DOK5: variants seen among roughly 807,000 people sequenced by gnomAD.
DOK5 encodes the protein downstream of tyrosine kinase 5.
Under a neutral mutation model 43.3 loss-of-function variants are expected in DOK5, and 27 were observed. That is an observed-to-expected ratio of 0.62 (90% CI 0.46 to 0.86). DOK5 has a LOEUF of 0.86. Among genes scored for constraint, DOK5 ranks in the 40% least tolerant of loss-of-function variants. DOK5 has a pLI of 0.00. For synonymous variants in DOK5, 146 were observed against 140.1 expected (o/e 1.04, Z -0.30); for missense variants, 373 against 392.9 (o/e 0.95, Z 0.43).
intron 1 of DOK5, among the ~76,000 whole-genome samples, chr20:54,523,037 T>C (rs1231416321): frequency 1.3e-5 from 2 of 152,166 alleles, no homozygotes; most frequent in Non-Finnish European, 2.9e-5. Flanking sequence ...GTATGTCTGG[T>C]ACATAATAGG....
At chr20:54,570,662 T>G (rs982288543) in intron 2 of DOK5, among the ~76,000 whole-genome samples, 1 of 152,160 alleles carries the variant, frequency 6.6e-6, no homozygotes, top group African/African-American at 2.4e-5. Flanking sequence ...TTTAAATGGC[T>G]TTTGACTTTG....
At chr20:54,648,384 G>A (rs976591716) in intron 7 of DOK5, among the ~76,000 whole-genome samples, 3 of 152,190 alleles carry the variant, frequency 2.0e-5, no homozygotes, top group African/African-American at 7.2e-5. Flanking sequence ...TGGAACAGTG[G>A]AAAAGAAAGT....
intron 1 of DOK5, among the ~76,000 whole-genome samples, chr20:54,478,989 GTA>G (rs763912095): frequency 3.3e-5 from 5 of 151,922 alleles, no homozygotes; most frequent in African/African-American, 9.7e-5. Flanking sequence ...ACATATATGT[GTA>G]TGTGTGTGTA....
chr20:54,537,358 C>T (rs1461167095), intron 1 of DOK5, among the ~76,000 whole-genome samples: 1 of 152,168 alleles, frequency 6.6e-6, no homozygotes, highest in East Asian at 1.9e-4. Context: ...AATCAGGAAG[C>T]TCTCAAACAA....
intron 1 of DOK5, among the ~76,000 whole-genome samples, chr20:54,517,610 T>C (rs978512677): frequency 1.3e-5 from 2 of 152,150 alleles, no homozygotes; most frequent in Admixed American, 6.6e-5. Context: ...GTGGAGATGA[T>C]AAAGTGATGA....
chr20:54,537,180 G>A (rs1983988430), intron 1 of DOK5, among the ~76,000 whole-genome samples: 1 of 152,132 alleles, frequency 6.6e-6, no homozygotes, highest in Non-Finnish European at 1.5e-5. Flanking sequence ...GATTTTCTGG[G>A]GATTCTGGAT....
intron 6 of DOK5, among the ~76,000 whole-genome samples, chr20:54,620,277 T>C (rs1986937957): frequency 6.6e-6 from 1 of 152,340 alleles, no homozygotes; most frequent in South Asian, 2.1e-4. Context: ...CTTGCTCTGT[T>C]GCCCAGGCTG....
At chr20:54,554,221 G>A (rs1370566558) in intron 1 of DOK5, among the ~76,000 whole-genome samples, 2 of 152,162 alleles carry the variant, frequency 1.3e-5, no homozygotes, top group Non-Finnish European at 2.9e-5. Context: ...GGAATTGAAA[G>A]ATTGTGAAGA....
At chr20:54,484,831 A>G (rs1278190813) in intron 1 of DOK5, among the ~76,000 whole-genome samples, 1 of 152,174 alleles carries the variant, frequency 6.6e-6, no homozygotes, top group Non-Finnish European at 1.5e-5. Context: ...CTCAGGCAAC[A>G]TAGTGAGACT....
At chr20:54,518,971 C>T (rs981410995) in intron 1 of DOK5, among the ~76,000 whole-genome samples, 2 of 152,102 alleles carry the variant, frequency 1.3e-5, no homozygotes, top group African/African-American at 2.4e-5. Flanking sequence ...CATCACTGGC[C>T]GTCAGAGAGA....
intron 1 of DOK5, among the ~76,000 whole-genome samples, chr20:54,548,033 G>A (rs775107992): frequency 5.3e-5 from 8 of 152,256 alleles, no homozygotes; most frequent in Non-Finnish European, 1.0e-4. Context: ...CTGGCATTTA[G>A]CAGGTGGAGG....
intron 5 of DOK5, among the ~76,000 whole-genome samples, chr20:54,594,440 T>A (rs1388824576): frequency 1.3e-5 from 2 of 150,900 alleles, no homozygotes; most frequent in African/African-American, 2.5e-5. Flanking sequence ...AAATGAATAA[T>A]TTTTTTTGGT....
chr20:54,547,699 G>T (rs1984394566), intron 1 of DOK5, among the ~76,000 whole-genome samples: 1 of 152,110 alleles, frequency 6.6e-6, no homozygotes, highest in Admixed American at 6.5e-5. Flanking sequence ...CTGAAAATTA[G>T]GTATAATAAA....
At chr20:54,589,302 A>G (rs1985910826) in intron 4 of DOK5, among the ~76,000 whole-genome samples, 1 of 152,132 alleles carries the variant, frequency 6.6e-6, no homozygotes, top group African/African-American at 2.4e-5. Context: ...TGCCTTTTTC[A>G]CTTAAAATGT....
chr20:54,554,424 T>G (rs531052286), intron 1 of DOK5, among the ~76,000 whole-genome samples: 14 of 152,310 alleles, frequency 9.2e-5, no homozygotes, highest in African/African-American at 3.4e-4. Flanking sequence ...TAAGCAAGAA[T>G]CTGGTTGGTG....
chr20:54,647,520 A>AC (rs1979491807), intron 7 of DOK5, among the ~76,000 whole-genome samples: 1 of 151,754 alleles, frequency 6.6e-6, no homozygotes, highest in Admixed American at 6.6e-5. Context: ...AAAAAAAAAA[A>AC]AAACAAAAAA....
chr20:54,598,075 C>T (rs1986195223), intron 5 of DOK5, among the ~76,000 whole-genome samples: 1 of 152,136 alleles, frequency 6.6e-6, no homozygotes, highest in Non-Finnish European at 1.5e-5. Context: ...GGAGTGTAGG[C>T]ACATACATCT....
At chr20:54,518,248 A>G (rs867781537) in intron 1 of DOK5, among the ~76,000 whole-genome samples, 5 of 152,078 alleles carry the variant, frequency 3.3e-5, no homozygotes, top group African/African-American at 1.2e-4. Context: ...AACATTAGGT[A>G]TATCTCCTAA....
chr20:54,481,493 C>G (rs574514502), intron 1 of DOK5, among the ~76,000 whole-genome samples: 1 of 152,072 alleles, frequency 6.6e-6, no homozygotes, highest in Non-Finnish European at 1.5e-5. Flanking sequence ...TTTATTTCTT[C>G]TCCCTCTCCT....
Sources: gnomAD v4.1 joint callset for allele counts (sites outside exome capture counted in the v4.1 genomes callset) on GRCh38, gnomAD v4.1.1 for gene constraint, MANE v1.5 for transcripts, NCBI Gene and HGNC (gene_info 2026-07-23, HGNC 2026-07-21) for gene names.